RAP1A: variants seen among roughly 807,000 people sequenced by gnomAD.
The protein encoded by RAP1A is RAP1A, member of RAS oncogene family, also known as ras-related protein Rap-1A.
RAP1A carries 6 observed loss-of-function variants against 26.4 expected under a neutral mutation model. The ratio of observed to expected loss-of-function variants is 0.23; its 90% CI spans 0.12 to 0.45. RAP1A has a LOEUF of 0.45. Among genes scored for constraint, RAP1A ranks in the 20% least tolerant of loss-of-function variants. The pLI is 0.99. For missense variants in RAP1A, 121 were observed against 217.2 expected (o/e 0.56, Z 2.78); for synonymous variants, 73 against 79.4 (o/e 0.92, Z 0.43).
At chr1:111,673,420 C>G (rs1012947972) in intron 1 of RAP1A, among the ~76,000 whole-genome samples, 7 of 152,136 alleles carry the variant, frequency 4.6e-5, no homozygotes, top group African/African-American at 1.7e-4. Context: ...GTCTGTAATA[C>G]ATTCATTTAT....
chr1:111,711,253 T>C (rs898336592), intron 7 of RAP1A, among the ~76,000 whole-genome samples: 3 of 152,252 alleles, frequency 2.0e-5, no homozygotes, highest in African/African-American at 7.2e-5. Context: ...CAGTTCCAGT[T>C]CTTAAATACT....
intron 1 of RAP1A, among the ~76,000 whole-genome samples, chr1:111,567,068 T>C (rs1657933057): frequency 6.6e-6 from 1 of 152,154 alleles, no homozygotes; most frequent in Admixed American, 6.5e-5. Flanking sequence ...TGATGGGTTA[T>C]GGGCACTGAG....
Position 111,715,531 on chromosome 1 carries a change from C to A in RAP1A, c.*3130C>A, listed in dbSNP as rs1662518827. 6.6e-6 allele frequency: 1 copy of A among 152,144 alleles called. No individual in the cohort carries two copies. Among genetic ancestry groups the A allele is most frequent in the Non-Finnish European group, 1.5e-5 (1 of 68,028 alleles). The allele number at this position is 152,144 out of a possible 1,614,324, so 9.4% of individuals were successfully genotyped here. A position where few individuals can be genotyped will look rare whatever the true frequency, so the allele number is the denominator to read the frequency against. ...CAGTTCATCAAAGATATGAATAACA[C>A]CCTAGTTTTCTGAACTGCAGCTGCA... On this transcript the variant is annotated 3_prime_UTR_variant, in exon 8 of 8. Transcript: ENST00000369709.
intron 1 of RAP1A, among the ~76,000 whole-genome samples, chr1:111,573,430 G>A (rs1206806102): frequency 5.3e-5 from 8 of 152,010 alleles, no homozygotes; most frequent in African/African-American, 1.9e-4. Context: ...TGCCTCCCGG[G>A]TTGAAGCAAT....
At chr1:111,627,901 GA>G (rs1473135847) in intron 1 of RAP1A, among the ~76,000 whole-genome samples, 1 of 151,512 alleles carries the variant, frequency 6.6e-6, no homozygotes, top group Non-Finnish European at 1.5e-5. Flanking sequence ...TCAGATAGAT[GA>G]GGGGGGTAGT....
chr1:111,575,721 AG>A (rs1658134874), intron 1 of RAP1A, among the ~76,000 whole-genome samples: 1 of 152,210 alleles, frequency 6.6e-6, no homozygotes, highest in East Asian at 1.9e-4. Flanking sequence ...GAGAGGCCTT[AG>A]GAGACACCAA....
intron 1 of RAP1A, among the ~76,000 whole-genome samples, chr1:111,569,784 T>C (rs962195709): frequency 2.6e-5 from 4 of 152,156 alleles, no homozygotes; most frequent in African/African-American, 4.8e-5. Context: ...TACATGTAGC[T>C]GTACTACCTG....
At chr1:111,567,973 G>T in intron 1 of RAP1A, among the ~76,000 whole-genome samples, 1 of 152,290 alleles carries the variant, frequency 6.6e-6, no homozygotes, top group Non-Finnish European at 1.5e-5. Flanking sequence ...AGACAAACAT[G>T]GTCCATTTCT....
At chr1:111,693,453 A>C (rs1214661733) in intron 2 of RAP1A, among the ~76,000 whole-genome samples, 1 of 152,108 alleles carries the variant, frequency 6.6e-6, no homozygotes, top group Non-Finnish European at 1.5e-5. Context: ...GAAAATAAGG[A>C]TACAGGAGAG....
At chr1:111,657,706 ACCAT>A (rs1660506623) in intron 1 of RAP1A, among the ~76,000 whole-genome samples, 1 of 152,200 alleles carries the variant, frequency 6.6e-6, no homozygotes, top group African/African-American at 2.4e-5. Flanking sequence ...TATTGAAAAG[ACCAT>A]CCTTTCCCAA....
intron 1 of RAP1A, among the ~76,000 whole-genome samples, chr1:111,545,421 C>A (rs1366417687): frequency 6.6e-6 from 1 of 151,930 alleles, no homozygotes; most frequent in East Asian, 1.9e-4. Flanking sequence ...TGTATATTTT[C>A]TTTGCAGAAA....
At chr1:111,593,438 A>G (rs1658505900) in intron 1 of RAP1A, among the ~76,000 whole-genome samples, 2 of 152,078 alleles carry the variant, frequency 1.3e-5, no homozygotes, top group Non-Finnish European at 2.9e-5. Context: ...AATGTTTAGA[A>G]TGCATCCTTT....
intron 1 of RAP1A, among the ~76,000 whole-genome samples, chr1:111,568,448 C>T (rs1657972831): frequency 6.6e-6 from 1 of 152,090 alleles, no homozygotes. Context: ...CACTCATCAC[C>T]AAGGGGATGC....
chr1:111,688,807 T>TG (rs1430213008), intron 1 of RAP1A, among the ~76,000 whole-genome samples: 1 of 131,198 alleles, frequency 7.6e-6, no homozygotes, highest in East Asian at 2.1e-4. Flanking sequence ...TTTTTGTTTT[T>TG]GTTTTTTTTT....
intron 1 of RAP1A, chr1:111,648,929 A>G: frequency 1.4e-6 from 1 of 719,936 alleles, no homozygotes; most frequent in Non-Finnish European, 2.5e-6. Flanking sequence ...CTTCCCCTTT[A>G]TGGTTCTTCT....
chr1:111,563,720 C>T lies in RAP1A; in HGVS notation c.-28+21211C>T, dbSNP rs1591711. 0.57 allele frequency: 395,692 copies of T among 694,016 alleles called. 113,967 individuals carry two copies. Among genetic ancestry groups the T allele is most frequent in the South Asian group, 0.6 (36,257 of 60,508 alleles). 43.0% of individuals were successfully genotyped at this position (694,016 alleles called of 1,614,324 possible). On this transcript the variant is annotated intron_variant, in intron 1 of 7. Transcript: ENST00000356415. ...GAATACAAATTATCTCTATTTTACA[C>T]GCTAGGACAAAGCATTGATTAAGTA...
intron 1 of RAP1A, among the ~76,000 whole-genome samples, chr1:111,625,672 ATC>A (rs1464329949): frequency 6.6e-6 from 1 of 152,218 alleles, no homozygotes; most frequent in Non-Finnish European, 1.5e-5. Flanking sequence ...ACAGTTAACA[ATC>A]TAGGCCAAAT....
intron 1 of RAP1A, among the ~76,000 whole-genome samples, chr1:111,686,233 C>G (rs114956458): frequency 0.025 from 3,733 of 152,156 alleles, 134 homozygotes; most frequent in African/African-American, 0.085. Context: ...TGTAACAAAC[C>G]ACGTTCTGCA....
chr1:111,695,114 TATC>T (rs1661786310), intron 2 of RAP1A, among the ~76,000 whole-genome samples: 1 of 152,210 alleles, frequency 6.6e-6, no homozygotes, highest in South Asian at 2.1e-4. Flanking sequence ...AACAGTGTAT[TATC>T]AGTATTGATG....
Sources: gnomAD v4.1 joint callset for allele counts (sites outside exome capture counted in the v4.1 genomes callset) on GRCh38, gnomAD v4.1.1 for gene constraint, MANE v1.5 for transcripts, NCBI Gene and HGNC (gene_info 2026-07-23, HGNC 2026-07-21) for gene names.